The following TMEM255B variants were observed in gnomAD, a reference collection of about 807,000 sequenced individuals.
TMEM255B encodes the protein family with sequence similarity 70, member B.
Under a neutral mutation model 34.5 loss-of-function variants are expected in TMEM255B, and 35 were observed. That is an observed-to-expected ratio of 1.01 (90% CI 0.77 to 1.34). The LOEUF (loss-of-function observed/expected upper bound fraction) is 1.34. Ranked by LOEUF, TMEM255B falls within the 40% of genes most tolerant of loss-of-function variation. The probability of loss-of-function intolerance (pLI) is 0.00; values close to 1 mark genes in which losing one functional copy is unlikely to be tolerated. For synonymous variants in TMEM255B, 206 were observed against 201.2 expected, an observed-to-expected ratio of 1.02 and a Z score of -0.20; for missense variants, 432 against 433.2, an observed-to-expected ratio of 1.00 and a Z score of 0.02.
rs200308832 is a variant in TMEM255B, at chr13:113,800,889, C to T, written c.486C>T (p.Cys162=). 115 of 1,610,604 alleles carry T rather than the reference C, an allele frequency of 7.1e-5. 2 individuals carry two copies. The East Asian group carries it at 2.5e-3, about 35-fold the overall frequency. The stretch of plus-strand genomic sequence containing the variant: ...AGGTGAGAAGCAACACCTGTTACTG[C>T]TGTGACCTCTATGCCTGCGGGAGGT... The part of the protein sequence containing the change: ...QLKVRSNTCY[C]CDLYACGSAE... The change falls in exon 6 of 9, where the codon TGC becomes TGT. Residue 162 remains cysteine (C), a synonymous_variant. Coordinates refer to ENST00000375353, the MANE Select transcript of TMEM255B (RefSeq NM_182614.4).
At chr13:113,787,825 TG>T (rs1406297819) in intron 3 of TMEM255B, among the ~76,000 whole-genome samples, 1 of 150,808 alleles carries the variant, frequency 6.6e-6, no homozygotes, top group African/African-American at 2.4e-5. Flanking sequence ...AGGCAGGGCA[TG>T]GTGACCTTGG....
intron 4 of TMEM255B, among the ~76,000 whole-genome samples, chr13:113,797,798 C>T (rs569296826): frequency 1.1e-4 from 16 of 152,334 alleles, no homozygotes; most frequent in Admixed American, 3.9e-4. Flanking sequence ...TAAAACTAAA[C>T]GTGGGCAATG....
At chr13:113,801,620 G>A (rs777192897) in intron 6 of TMEM255B, 33 bp from the exon 7 acceptor site, 28 of 1,557,946 alleles carry the variant, frequency 1.8e-5, no homozygotes, top group South Asian at 9.5e-5. Flanking sequence ...CACTTGCCTC[G>A]TGCGGTGACG....
In TMEM255B at chr13:113,782,748, T is replaced by A. The variant is rs139046593; in HGVS notation, c.253-12400T>A. 5.8e-3 allele frequency among the ~76,000 whole-genome samples: 887 copies of A among 152,082 alleles called. 10 individuals carry two copies. Among genetic ancestry groups the A allele is most frequent in the African/African-American group, 0.019 (796 of 41,496 alleles). On this transcript the variant is annotated intron_variant, in intron 3 of 8. Coordinates refer to ENST00000375353, the MANE Select transcript of TMEM255B (RefSeq NM_182614.4). ...GTTGGGAGCCGTCCATTTTCCAGTGTCCCCAGAGACCACAGGTTGGGCACA... is the reference window on the plus strand; with the variant it reads ...GTTGGGAGCCGTCCATTTTCCAGTGACCCCAGAGACCACAGGTTGGGCACA...
intron 1 of TMEM255B, among the ~76,000 whole-genome samples, chr13:113,759,769 T>A (rs1187509790): frequency 6.6e-6 from 1 of 152,198 alleles, no homozygotes; most frequent in Non-Finnish European, 1.5e-5. Flanking sequence ...AGCCTTTTCC[T>A]GTTTGAACGT....
In TMEM255B at chr13:113,815,702, T is replaced by G. The variant is rs2051393747; in HGVS notation, c.*3799T>G. ...CAACCATGTGCAATTGTAAGTCCCG[T>G]TAAACCTCTTTTTTTCCCAGTCTCG... On this transcript the variant is annotated 3_prime_UTR_variant, in exon 9 of 9. Transcript: ENST00000375353. 6.5e-6 allele frequency: 1 copy of G among 152,684 alleles called. No homozygotes were observed. The highest frequency in any genetic ancestry group is 2.0e-4 in the South Asian group (1 of 4,882). The allele number at this position is 152,684 out of a possible 1,614,324, so 9.5% of individuals were successfully genotyped here.
At chr13:113,800,953 G>A (rs752538607) in intron 6 of TMEM255B, 41 bp downstream of exon 6, 1 of 1,187,224 alleles carries the variant, frequency 8.4e-7, no homozygotes, top group Non-Finnish European at 1.1e-6. Flanking sequence ...ACCTGCGGGA[G>A]GTGAGGGGCG....
At chr13:113,795,707 CAG>C (rs1430981819) in intron 4 of TMEM255B, among the ~76,000 whole-genome samples, 2 of 139,372 alleles carry the variant, frequency 1.4e-5, no homozygotes, top group African/African-American at 5.4e-5. Context: ...CACACCAAAA[CAG>C]AGCACATAGC....
At chr13:113,802,257 C>A (rs537479202) in intron 7 of TMEM255B, among the ~76,000 whole-genome samples, 16 of 152,170 alleles carry the variant, frequency 1.1e-4, no homozygotes, top group Non-Finnish European at 1.9e-4. Context: ...GGGCCCCTCG[C>A]GGGAGGTGGG....
At chr13:113,794,514 G>A (rs144707358) in intron 3 of TMEM255B, among the ~76,000 whole-genome samples, 10 of 152,212 alleles carry the variant, frequency 6.6e-5, no homozygotes, top group Admixed American at 3.3e-4. Context: ...TCTGCCCAGC[G>A]TGGTACCAAG....
At chr13:113,784,460 G>A (rs183337042) in intron 3 of TMEM255B, among the ~76,000 whole-genome samples, 1 of 152,240 alleles carries the variant, frequency 6.6e-6, no homozygotes, top group Admixed American at 6.5e-5. Flanking sequence ...GGATGTTCCA[G>A]TTGGAATTGG....
At chr13:113,779,690 G>T (rs993539834) in intron 3 of TMEM255B, among the ~76,000 whole-genome samples, 4 of 152,302 alleles carry the variant, frequency 2.6e-5, no homozygotes, top group Admixed American at 2.0e-4. Context: ...CTTTAAGAAA[G>T]CACAGCTTAG....
intron 3 of TMEM255B, among the ~76,000 whole-genome samples, chr13:113,794,824 C>T (rs1397374770): frequency 1.3e-5 from 2 of 152,232 alleles, no homozygotes; most frequent in Admixed American, 1.3e-4. Flanking sequence ...CATGTGTGTG[C>T]GTGTGATGAG....
rs1408585115 is a variant in TMEM255B, at chr13:113,815,952, A to T, written c.*4049A>T. 2 of 161,878 alleles carry T rather than the reference A, an allele frequency of 1.2e-5. No individual in the cohort carries two copies. Among genetic ancestry groups the T allele is most frequent in the Non-Finnish European group, 2.7e-5 (2 of 73,458 alleles). The allele number at this position is 161,878 out of a possible 1,614,324, so 10.0% of individuals were successfully genotyped here. A position where few individuals can be genotyped will look rare whatever the true frequency, so the allele number is the denominator to read the frequency against. On this transcript the variant is annotated 3_prime_UTR_variant, in exon 9 of 9. Coordinates refer to ENST00000375353, the MANE Select transcript of TMEM255B (RefSeq NM_182614.4). ...TTCTGTTTATATGCAGTGTCCAGAG[A>T]AGGCGTGTCCACAGACAGAAGCCGA...
chr13:113,801,029 GAGGGAGGTGAGGGGCGCTGGGAACC>G, intron 6 of TMEM255B, 117 bp downstream of exon 6: 1 of 351,976 alleles, frequency 2.8e-6, no homozygotes, highest in Middle Eastern at 6.2e-4. Context: ...ATCTACACCT[GAGGGAGGTGAGGGGCGCTGGGAACC>G]CCCGTATGTG....
intron 3 of TMEM255B, among the ~76,000 whole-genome samples, chr13:113,776,760 C>T (rs1413489961): frequency 6.6e-6 from 1 of 152,208 alleles, no homozygotes; most frequent in Non-Finnish European, 1.5e-5. Flanking sequence ...GCGACCTGTT[C>T]CTACCTTGGT....
intron 3 of TMEM255B, among the ~76,000 whole-genome samples, chr13:113,774,673 GAC>G (rs1267285275): frequency 4.5e-5 from 4 of 88,904 alleles, no homozygotes; most frequent in African/African-American, 1.1e-4. Flanking sequence ...CCACACATAT[GAC>G]ACACACACCA....
rs898100138 is a variant in TMEM255B at position 113,801,570 on chromosome 13, G to A, written c.510-83G>A. 18 of 1,460,672 alleles carry A rather than the reference G, an allele frequency of 1.2e-5. No homozygotes were observed. In the Admixed American group the frequency reaches 1.4e-4, roughly 11 times the overall value. 90.5% of individuals were successfully genotyped at this position (1,460,672 alleles called of 1,614,324 possible). On this transcript the variant is annotated intron_variant, in intron 6 of 8. Transcript: ENST00000375353. ...CTGATTTCCTCCCCCAGCCCTGCAG[G>A]GCTCAGGTCCAGAGGACACAAGTTT...
rs1464902297 is a variant in TMEM255B, at chr13:113,806,440, C to G, written c.813+1412C>G. ...TGACAACATCTCCTCGTGGAGGGATCCCTGCACCTCATACCTCAGTCTCCC... is the reference window on the plus strand; with the variant it reads ...TGACAACATCTCCTCGTGGAGGGATGCCTGCACCTCATACCTCAGTCTCCC... On this transcript the variant is annotated intron_variant, in intron 8 of 8. Coordinates refer to ENST00000375353, the MANE Select transcript of TMEM255B (RefSeq NM_182614.4). The surrounding 1 kb of genome is among the most constrained non-coding windows in gnomAD (Gnocchi z 4.2). Among the ~76,000 whole-genome samples the G allele has an allele frequency of 6.6e-6, 1 of 152,074 alleles. No homozygotes were observed. The highest frequency in any genetic ancestry group is 2.4e-5 in the African/African-American group (1 of 41,392).
Sources: gnomAD v4.1 joint callset for allele counts (sites outside exome capture counted in the v4.1 genomes callset) on GRCh38, gnomAD v4.1.1 for gene constraint, Gnocchi (gnomAD v3.1) non-coding constraint, MANE v1.5 for transcripts, NCBI Gene and HGNC (gene_info 2026-07-23, HGNC 2026-07-21) for gene names.